Variants in CARNMT1 observed in about 807,000 individuals in gnomAD.
The protein encoded by CARNMT1 is protein-L-histidine N-pros-methyltransferase CARNMT1.
In CARNMT1, 28 loss-of-function variants were observed where a neutral mutation model predicts 49.6. The ratio of observed to expected loss-of-function variants is 0.56; its 90% CI spans 0.42 to 0.77. CARNMT1 has a LOEUF of 0.77. Ranked by LOEUF, CARNMT1 falls within the 30% of genes least tolerant of loss-of-function variation. CARNMT1 has a pLI of 0.00. For synonymous variants in CARNMT1, 178 were observed against 175.0 expected, an observed-to-expected ratio of 1.02 and a Z score of -0.13; for missense variants, 421 against 512.6, an observed-to-expected ratio of 0.82 and a Z score of 1.73.
intron 1 of CARNMT1, chr9:75,027,228 C>T (rs1458008088): frequency 2.0e-6 from 2 of 984,100 alleles, no homozygotes; most frequent in Non-Finnish European, 2.8e-6. Flanking sequence ...TAACATCTAT[C>T]TAGAAGAAAC....
chr9:75,000,962 A>G (rs1484889306), intron 3 of CARNMT1, among the ~76,000 whole-genome samples: 1 of 152,072 alleles, frequency 6.6e-6, no homozygotes, highest in Non-Finnish European at 1.5e-5. Flanking sequence ...AACTGCCATG[A>G]TGGCATCCTA....
intron 6 of CARNMT1, among the ~76,000 whole-genome samples, chr9:74,994,734 T>G (rs1482896132): frequency 6.6e-6 from 1 of 152,196 alleles, no homozygotes; most frequent in Non-Finnish European, 1.5e-5. Context: ...TTTTTTACAT[T>G]CTTTAACTTA....
chr9:74,989,146 C>T (rs1003291348), intron 6 of CARNMT1, among the ~76,000 whole-genome samples: 4 of 151,924 alleles, frequency 2.6e-5, no homozygotes, highest in Non-Finnish European at 1.5e-5. Flanking sequence ...GAGTTTTGCT[C>T]TGTCACCCAG....
intron 1 of CARNMT1, among the ~76,000 whole-genome samples, chr9:75,025,766 A>C (rs890277574): frequency 6.6e-6 from 1 of 152,202 alleles, no homozygotes; most frequent in Non-Finnish European, 1.5e-5. Flanking sequence ...GTACTTGCTA[A>C]ATGTGTAGAA....
chr9:75,013,403 AAATT>A lies in CARNMT1; in HGVS notation c.590+2861_590+2864del, dbSNP rs1833756843. Among the ~76,000 whole-genome samples the A allele has an allele frequency of 2.6e-5, 4 of 152,212 alleles. No individual in the cohort carries two copies. The South Asian group carries it at 8.3e-4, about 32-fold the overall frequency. On this transcript the variant is annotated intron_variant, in intron 3 of 7. Transcript: ENST00000376834. ...ATCAAATAAAGTTATTTTTAAATAA[AAATT>A]AAAGTTATACCTCCAATAATATAAA...
At chr9:75,011,371 C>CATTATT in intron 3 of CARNMT1, among the ~76,000 whole-genome samples, 1 of 151,916 alleles carries the variant, frequency 6.6e-6, no homozygotes, top group East Asian at 1.9e-4. Flanking sequence ...CTGTGATTGT[C>CATTATT]ATTATTATTA....
chr9:74,998,591 G>T lies in CARNMT1; in HGVS notation c.910+7C>A. 6.4e-7 allele frequency: 1 copy of T among 1,551,746 alleles called. No individual in the cohort carries two copies. The highest frequency in any genetic ancestry group is 1.2e-5 in the South Asian group (1 of 81,738). ...CAAGACTTTTTAAACGCTTGATTTG[G>T]ACTTACTGCATTCTGAATAAATCTC... On this transcript the variant is annotated splice_region_variant and intron_variant, in intron 5 of 7. Transcript: ENST00000376834.
intron 3 of CARNMT1, among the ~76,000 whole-genome samples, chr9:75,003,925 G>C (rs1179010250): frequency 6.6e-6 from 1 of 152,224 alleles, no homozygotes; most frequent in African/African-American, 2.4e-5. Context: ...GCCCAGGCTA[G>C]AGTGCAGTGG....
chr9:75,028,064 T>TCTC lies in CARNMT1; in HGVS notation c.175_177dup (p.Glu59dup), dbSNP rs772552928. ...TTCCAGAAGTGCTCACGCTCAAGCC[T>TCTC]CTCCTCCTCCTCCTCGGTGCTGCGC... On this transcript the variant is annotated inframe_insertion, in exon 1 of 8. Transcript: ENST00000376834. The TCTC allele has an allele frequency of 1.3e-5, 20 of 1,577,634 alleles. No individual in the cohort carries two copies. The highest frequency in any genetic ancestry group is 1.8e-5 in the Admixed American group (1 of 56,572).
rs1289267702 is a variant in CARNMT1 at position 74,983,189 on chromosome 9, G to C, written c.*578C>G. The stretch of plus-strand genomic sequence containing the variant: ...TTGAGTCCAGGAGTTTGAGGTTACA[G>C]TGAGCTATGATCGTGCCACTGCACT... On this transcript the variant is annotated 3_prime_UTR_variant, in exon 8 of 8. Coordinates refer to ENST00000376834, the MANE Select transcript of CARNMT1 (RefSeq NM_152420.3). 6.6e-6 allele frequency: 1 copy of C among 151,326 alleles called. No individual in the cohort carries two copies. The highest frequency in any genetic ancestry group is 1.5e-5 in the Non-Finnish European group (1 of 68,004). The allele number at this position is 151,326 out of a possible 1,614,324, so 9.4% of individuals were successfully genotyped here.
At chr9:74,991,617 C>T (rs1198805578) in intron 6 of CARNMT1, 12 of 152,094 alleles carry the variant, frequency 7.9e-5, no homozygotes, top group Admixed American at 7.9e-4. Flanking sequence ...TTTACTTTTT[C>T]TAGAGAATTA....
At chr9:75,000,334 ATG>A (rs1190641895) in intron 3 of CARNMT1, among the ~76,000 whole-genome samples, 1 of 152,170 alleles carries the variant, frequency 6.6e-6, no homozygotes, top group Non-Finnish European at 1.5e-5. Flanking sequence ...GTAGAGTTTA[ATG>A]TGTCAGGTAT....
At chr9:75,004,186 T>C (rs2118812444) in intron 3 of CARNMT1, among the ~76,000 whole-genome samples, 1 of 152,360 alleles carries the variant, frequency 6.6e-6, no homozygotes, top group Middle Eastern at 3.4e-3. Context: ...AGATATGCAT[T>C]TGAATTTTGA....
rs754828457 is a variant in CARNMT1, at chr9:75,017,389, T to C, written c.290A>G (p.Asn97Ser). The C allele has an allele frequency of 2.0e-5, 32 of 1,614,028 alleles. No individual in the cohort carries two copies. The highest frequency in any genetic ancestry group is 2.7e-5 in the Non-Finnish European group (32 of 1,180,008). ...TERQFRSLPANQQKLLPQFLL... is the reference protein window; with the variant it reads ...TERQFRSLPASQQKLLPQFLL... The stretch of plus-strand genomic sequence containing the variant: ...AAACTGAGGAAGTAGTTTCTGTTGG[T>C]TAGCTGGAAGTGATCGAAACTGTCT... Residue 97 changes from asparagine (N) to serine (S), a missense_variant, in exon 2 of 8, where the codon AAC (asparagine) becomes AGC (serine). By Grantham distance (46) the Asn-to-Ser change is conservative (BLOSUM62 1). This residue lies in a region of CARNMT1 where 186 missense variants were observed against 167.9 expected (regional missense o/e 1.11). Coordinates refer to ENST00000376834, the MANE Select transcript of CARNMT1 (RefSeq NM_152420.3).
At chr9:75,024,911 A>T (rs1482612316) in intron 1 of CARNMT1, among the ~76,000 whole-genome samples, 3 of 152,112 alleles carry the variant, frequency 2.0e-5, no homozygotes, top group Non-Finnish European at 4.4e-5. Flanking sequence ...AACATAAACA[A>T]CTGACAGATA....
Position 75,016,381 on chromosome 9 carries a change from T to C in CARNMT1, c.477A>G (p.Lys159=). ...PASTFDMDKL[K]STLKQFVRDW... Reference sequence around the variant, plus strand: ...CTCTCACAAACTGTTTCAGCGTGGATTTTAACTTATCCATGTCAAATGTAG... The same window carrying C: ...CTCTCACAAACTGTTTCAGCGTGGACTTTAACTTATCCATGTCAAATGTAG... The change falls in exon 3 of 8, where the codon AAA becomes AAG. Residue 159 remains lysine (K), a synonymous_variant. Transcript: ENST00000376834. The C allele has an allele frequency of 3.1e-6, 5 of 1,614,148 alleles. No homozygotes were observed. Among genetic ancestry groups the C allele is most frequent in the Non-Finnish European group, 4.2e-6 (5 of 1,179,996 alleles).
rs753112350 is a variant in CARNMT1, at chr9:74,983,809, G to A, written c.1188C>T (p.Tyr396=). Residue 396 remains tyrosine, a synonymous_variant, in exon 8 of 8, where the codon TAC becomes TAT. Coordinates refer to ENST00000376834, the MANE Select transcript of CARNMT1 (RefSeq NM_152420.3). ...YTVNDLSMMK[Y]YYECVLFVVR... ...CCACAAACAAGACACATTCATAGTA[G>A]TATTTCATCATAGAGAGATCATTCA... 1 of 1,609,012 alleles carries A rather than the reference G, an allele frequency of 6.2e-7. No individual in the cohort carries two copies. The highest frequency in any genetic ancestry group is 2.2e-5 in the East Asian group (1 of 44,760).
intron 3 of CARNMT1, among the ~76,000 whole-genome samples, chr9:75,001,117 A>G (rs1833339719): frequency 6.6e-6 from 1 of 152,106 alleles, no homozygotes; most frequent in South Asian, 2.1e-4. Context: ...GGCTGTTCTC[A>G]GTTTAGAATT....
At chr9:75,013,441 T>C (rs1356098150) in intron 3 of CARNMT1, among the ~76,000 whole-genome samples, 3 of 152,196 alleles carry the variant, frequency 2.0e-5, no homozygotes, top group African/African-American at 7.2e-5. Flanking sequence ...AAAATACATA[T>C]GCATAAAGTT....
Sources: gnomAD v4.1 joint callset for allele counts (sites outside exome capture counted in the v4.1 genomes callset) on GRCh38, gnomAD v4.1.1 for gene constraint, gnomAD v4.1.1 regional missense constraint, MANE v1.5 for transcripts, NCBI Gene and HGNC (gene_info 2026-07-23, HGNC 2026-07-21) for gene names.